PCDH7: variants seen among roughly 807,000 people sequenced by gnomAD.
The protein encoded by PCDH7 is protocadherin 7.
A neutral mutation model predicts 58.9 loss-of-function variants in PCDH7; 17 were observed. The ratio of observed to expected loss-of-function variants is 0.29; its 90% CI spans 0.20 to 0.43. The LOEUF (loss-of-function observed/expected upper bound fraction) is 0.43, where lower values mean the gene tolerates loss of function less well. PCDH7 is among the 20% of genes least tolerant of loss of function. The pLI is 1.00. For missense variants in PCDH7, 1,274 were observed against 1,441.0 expected, an observed-to-expected ratio of 0.88 and a Z score of 1.88; for synonymous variants, 664 against 616.4, an observed-to-expected ratio of 1.08 and a Z score of -1.14.
rs1717376915 is a variant in PCDH7, at chr4:30,743,632, T to C, written c.70+19036T>C. On this transcript the variant is annotated intron_variant, in intron 1 of 3. Transcript: ENST00000509759. The stretch of plus-strand genomic sequence containing the variant: ...TCCTAAACTTATAGTTGAAAAAACC[T>C]GAAAAAATATCGGCCTCTGAGGAAA... Among the ~76,000 whole-genome samples, 2 of 151,958 alleles carry C rather than the reference T, an allele frequency of 1.3e-5. 1 individual carries two copies. Among genetic ancestry groups the C allele is most frequent in the South Asian group, 4.1e-4 (2 of 4,824 alleles).
intron 1 of PCDH7, chr4:30,730,651 C>T (rs919489208): frequency 8.9e-6 from 7 of 790,678 alleles, no homozygotes; most frequent in African/African-American, 3.5e-5. Context: ...TTCTTAGCTC[C>T]GAAATCTCTA....
rs773293822 is a variant in PCDH7, at chr4:30,722,489, G to T, written c.1067G>T (p.Arg356Leu). ...GGGGCGGCCACCGAGTCGGTGAGGC[G>T]GCTGCTGCGCCTTGACGAGACGTCC... is the stretch of plus-strand genomic sequence containing the variant. Residue 356 changes from arginine to leucine, a missense_variant, in exon 1 of 2, where the codon CGG (arginine) becomes CTG (leucine). Physicochemically the swap from Arg to Leu is moderately radical, Grantham distance 102. Coordinates refer to ENST00000361762, the Ensembl canonical transcript of PCDH7. This position sits in a 1 kb window ranked among gnomAD's most constrained non-coding sequence, Gnocchi z 7.6. The T allele has an allele frequency of 2.5e-6, 4 of 1,609,424 alleles. No individual in the cohort carries two copies. Among genetic ancestry groups the T allele is most frequent in the South Asian group, 2.2e-5 (2 of 90,826 alleles).
chr4:30,834,178 A>G (rs1471426591), intron 1 of PCDH7, among the ~76,000 whole-genome samples: 1 of 152,124 alleles, frequency 6.6e-6, no homozygotes, highest in Non-Finnish European at 1.5e-5. Flanking sequence ...ACCAGGGCCC[A>G]CTTCTAGGGC....
At chr4:31,090,343 C>T (rs1713071131) in intron 3 of PCDH7, among the ~76,000 whole-genome samples, 1 of 151,912 alleles carries the variant, frequency 6.6e-6, no homozygotes, top group Non-Finnish European at 1.5e-5. Flanking sequence ...TTGATACAGG[C>T]ATGCAGTGCA....
chr4:31,005,650 A>G (rs1265384288), intron 3 of PCDH7, among the ~76,000 whole-genome samples: 2 of 152,152 alleles, frequency 1.3e-5, no homozygotes, highest in Non-Finnish European at 2.9e-5. Flanking sequence ...ATCGGATGAA[A>G]GATTTTAACC....
chr4:30,824,107 CTTTCT>C (rs1270930922), intron 1 of PCDH7, among the ~76,000 whole-genome samples: 4 of 136,738 alleles, frequency 2.9e-5, no homozygotes. Context: ...TTCTTTCTTT[CTTTCT>C]TTCTTTCTTT....
chr4:30,760,739 A>C (rs1339746818), intron 1 of PCDH7, among the ~76,000 whole-genome samples: 2 of 152,166 alleles, frequency 1.3e-5, no homozygotes, highest in Non-Finnish European at 2.9e-5. Flanking sequence ...CAAGACACTG[A>C]TAAGGTCTCC....
intron 3 of PCDH7, among the ~76,000 whole-genome samples, chr4:31,086,191 A>G (rs1712410675): frequency 6.6e-6 from 1 of 152,212 alleles, no homozygotes; most frequent in African/African-American, 2.4e-5. Context: ...TGAAGCCTAT[A>G]CTGTCTCACC....
intron 3 of PCDH7, among the ~76,000 whole-genome samples, chr4:31,008,845 T>G (rs1452766887): frequency 6.6e-6 from 1 of 152,110 alleles, no homozygotes; most frequent in Non-Finnish European, 1.5e-5. Context: ...GCTAACATAG[T>G]TCTTATTTCT....
At chr4:30,886,636 G>T (rs1002124916) in intron 1 of PCDH7, among the ~76,000 whole-genome samples, 2 of 149,628 alleles carry the variant, frequency 1.3e-5, no homozygotes, top group African/African-American at 4.9e-5. Flanking sequence ...TATACCCAAA[G>T]GACTATAAAT....
exon 2 of PCDH7, chr4:30,730,824 A>C (rs1715384995): frequency 6.4e-7 from 1 of 1,574,562 alleles, no homozygotes; most frequent in East Asian, 2.3e-5. Flanking sequence ...TATGCACCAT[A>C]CTGTGATGAC....
At chr4:30,823,509 G>T (rs967518983) in intron 1 of PCDH7, among the ~76,000 whole-genome samples, 2 of 152,168 alleles carry the variant, frequency 1.3e-5, no homozygotes, top group South Asian at 4.1e-4. Context: ...AGTCCATTAT[G>T]CCACCTCCTT....
intron 1 of PCDH7, among the ~76,000 whole-genome samples, chr4:30,915,189 C>T (rs1296575953): frequency 6.6e-6 from 1 of 152,152 alleles, no homozygotes; most frequent in Non-Finnish European, 1.5e-5. Flanking sequence ...AAATCAAACA[C>T]TTTACAGAAA....
chr4:30,898,496 C>G (rs1739742873), intron 1 of PCDH7, among the ~76,000 whole-genome samples: 1 of 152,320 alleles, frequency 6.6e-6, no homozygotes, highest in Non-Finnish European at 1.5e-5. Flanking sequence ...CACATTATTT[C>G]TAGAGATCAG....
chr4:30,736,118 C>T (rs1716217443), downstream of PCDH7, among the ~76,000 whole-genome samples: 1 of 152,140 alleles, frequency 6.6e-6, no homozygotes, highest in African/African-American at 2.4e-5. Context: ...ACTTTTGACA[C>T]ATTATTGCCA....
intron 3 of PCDH7, among the ~76,000 whole-genome samples, chr4:31,070,098 C>G (rs1320814240): frequency 6.6e-6 from 1 of 151,948 alleles, no homozygotes; most frequent in Non-Finnish European, 1.5e-5. Context: ...TATTCCGTGC[C>G]TAAAGTGAAT....
At position 30,722,045 on chromosome 4, in the gene PCDH7, G is replaced by C. The variant is rs1269972813; in HGVS notation, c.623G>C (p.Gly208Ala). The change falls in exon 1 of 2, where the codon GGG becomes GCG. Residue 208 changes from glycine to alanine, a missense_variant. This residue lies in a region of PCDH7 where 331 missense variants were observed against 303.2 expected (regional missense o/e 1.09). Transcript: ENST00000361762. This position sits in a 1 kb window ranked among gnomAD's most constrained non-coding sequence, Gnocchi z 7.6. ...GCGGCCGACAGCGCCCCCTACCCCG[G>C]GGGCGGCGGGAACGGCGCGAGCGGC... 7 of 1,241,110 alleles carry C rather than the reference G, an allele frequency of 5.6e-6. No individual in the cohort carries two copies. The African/African-American group carries it at 9.4e-5, about 17-fold the overall frequency. 76.9% of individuals were successfully genotyped at this position (1,241,110 alleles called of 1,614,324 possible). A position where few individuals can be genotyped will look rare whatever the true frequency, so the allele number is the denominator to read the frequency against.
At chr4:30,997,655 T>A (rs905975659) in intron 3 of PCDH7, among the ~76,000 whole-genome samples, 1 of 152,002 alleles carries the variant, frequency 6.6e-6, no homozygotes, top group South Asian at 2.1e-4. Context: ...GCCTACACAA[T>A]TTTTTTTCCT....
At chr4:31,049,954 G>T (rs1756605580) in intron 3 of PCDH7, among the ~76,000 whole-genome samples, 1 of 152,086 alleles carries the variant, frequency 6.6e-6, no homozygotes, top group Admixed American at 6.6e-5. Flanking sequence ...GTAGTTTTCT[G>T]AAGTAAAATA....
Sources: allele counts gnomAD v4.1 joint callset (sites outside exome capture counted in the v4.1 genomes callset), GRCh38; gene constraint gnomAD v4.1.1; regional missense constraint gnomAD v4.1.1; non-coding constraint Gnocchi (gnomAD v3.1); transcripts MANE v1.5; gene names NCBI Gene and HGNC (gene_info 2026-07-23, HGNC 2026-07-21).